SCN10A: variants seen among roughly 807,000 people sequenced by gnomAD.
SCN10A encodes sodium channel protein type 10 subunit alpha.
In SCN10A, 162 loss-of-function variants were observed where a neutral mutation model predicts 170.7. That is an observed-to-expected ratio of 0.95 (90% confidence interval 0.84 to 1.08). The LOEUF (loss-of-function observed/expected upper bound fraction) is 1.08. SCN10A is among the 50% of genes least tolerant of loss of function. The pLI is 0.00. For missense variants in SCN10A, 2,527 were observed against 2,436.9 expected (o/e 1.04, Z -0.78); for synonymous variants, 985 against 904.6 (o/e 1.09, Z -1.59).
intron 21 of SCN10A, among the ~76,000 whole-genome samples, chr3:38,716,463 G>A (rs991458138): frequency 1.3e-5 from 2 of 152,046 alleles, no homozygotes; most frequent in African/African-American, 2.4e-5. Flanking sequence ...CACATAAGAC[G>A]TGACTCGCAC....
At chr3:38,743,979 A>G (rs1327914019) in intron 13 of SCN10A, among the ~76,000 whole-genome samples, 1 of 152,184 alleles carries the variant, frequency 6.6e-6, no homozygotes, top group South Asian at 2.1e-4. Context: ...GTTTATCTAT[A>G]AATTCCTCGG....
At chr3:38,721,375 C>A (rs2063388081) in intron 20 of SCN10A, among the ~76,000 whole-genome samples, 2 of 152,188 alleles carry the variant, frequency 1.3e-5, no homozygotes, top group African/African-American at 4.8e-5. Flanking sequence ...TACCTGAAGC[C>A]CCTCATGCCT....
At position 38,756,970 on chromosome 3, in the gene SCN10A, AC is replaced by A. The variant is rs2063814590; in HGVS notation, c.1092+47del. ...CAGGAAAAGCACAGCCATGCAGCTG[AC>A]CCACCAGCCTCCAACCAAGTCTGCG... On this transcript the variant is annotated intron_variant, in intron 9 of 27. Transcript: ENST00000449082. 13 of 1,603,518 alleles carry A rather than the reference AC, an allele frequency of 8.1e-6. No homozygotes were observed. The East Asian group carries it at 2.9e-4, about 36-fold the overall frequency.
rs747044382 is a variant in SCN10A at position 38,713,996 on chromosome 3, G to A, written c.3766C>T (p.Arg1256Trp). 16 of 1,613,854 alleles carry A rather than the reference G, an allele frequency of 9.9e-6. No individual in the cohort carries two copies. Among genetic ancestry groups the A allele is most frequent in the South Asian group, 1.1e-5 (1 of 91,080 alleles). Residue 1256 changes from arginine (R) to tryptophan (W), a missense_variant, in exon 22 of 28, where the codon CGG (arginine) becomes TGG (tryptophan). By Grantham distance (101) the Arg-to-Trp change is moderately radical. Coordinates refer to ENST00000449082, the MANE Select transcript of SCN10A (RefSeq NM_006514.4). Reference protein sequence around the residue: ...IKALRTLRALRPLRALSRFEG... With the variant: ...IKALRTLRALWPLRALSRFEG... ...AATCGAGAAAGAGCCCGCAGTGGCC[G>A]CAGAGCGCGAAGGGTTCGAAGGGCT...
chr3:38,764,622 G>A (rs992350317), intron 5 of SCN10A, among the ~76,000 whole-genome samples: 1 of 152,154 alleles, frequency 6.6e-6, no homozygotes, highest in Non-Finnish European at 1.5e-5. Flanking sequence ...GTTGGTTGAT[G>A]GGCATTTAGG....
At chr3:38,708,699 C>G (rs2063237621) in intron 25 of SCN10A, among the ~76,000 whole-genome samples, 1 of 152,146 alleles carries the variant, frequency 6.6e-6, no homozygotes, top group Non-Finnish European at 1.5e-5. Flanking sequence ...TCACCACAAT[C>G]CAGAGAGTAG....
At chr3:38,800,862 T>C (rs536880776) in intron 1 of SCN10A, among the ~76,000 whole-genome samples, 3 of 152,302 alleles carry the variant, frequency 2.0e-5, no homozygotes, top group Admixed American at 1.3e-4. Context: ...TAGGCTATAG[T>C]AGCACCTTGA....
intron 11 of SCN10A, among the ~76,000 whole-genome samples, chr3:38,754,147 C>G (rs1471996958): frequency 6.6e-6 from 1 of 152,134 alleles, no homozygotes; most frequent in African/African-American, 2.4e-5. Context: ...ATACTCCTCC[C>G]CAAACTCTCT....
intron 1 of SCN10A, among the ~76,000 whole-genome samples, chr3:38,807,631 T>G (rs567489993): frequency 6.6e-6 from 1 of 152,298 alleles, no homozygotes; most frequent in Admixed American, 6.5e-5. Context: ...GTCCTAGTCC[T>G]CTTTTATATC....
chr3:38,760,618 C>G (rs1297746435), intron 8 of SCN10A, 63 bp downstream of exon 8: 3 of 1,305,248 alleles, frequency 2.3e-6, no homozygotes, highest in Non-Finnish European at 3.3e-6. Context: ...CCATAATATG[C>G]CAAGGACAAG....
Position 38,760,809 on chromosome 3 carries a change from T to C in SCN10A, c.884-62A>G, listed in dbSNP as rs371606581. 3.7e-6 allele frequency: 5 copies of C among 1,342,056 alleles called. No individual in the cohort carries two copies. The African/African-American group carries it at 7.2e-5, about 19-fold the overall frequency. The allele number at this position is 1,342,056 out of a possible 1,614,324, so 83.1% of individuals were successfully genotyped here. On this transcript the variant is annotated intron_variant, in intron 7 of 27. Transcript: ENST00000449082. ...TCTGAACCCTCCAACCCAAGCCTTG[T>C]GTGGTGAATGCAATATTCCCAAGTC... is the stretch of plus-strand genomic sequence containing the variant.
intron 5 of SCN10A, among the ~76,000 whole-genome samples, chr3:38,767,788 T>C (rs1296715407): frequency 6.6e-6 from 1 of 152,168 alleles, no homozygotes; most frequent in Non-Finnish European, 1.5e-5. Flanking sequence ...GTTCATTGTT[T>C]CTTTGTTGAC....
rs2063801316 is a variant in SCN10A at position 38,756,077 on chromosome 3, G to A, written c.1291-119C>T. On this transcript the variant is annotated intron_variant, in intron 10 of 27. Coordinates refer to ENST00000449082, the MANE Select transcript of SCN10A (RefSeq NM_006514.4). ...CTGAAACAGAGAAGCTGAAGGGTTAGGACCAGGGTGGTGGTGGGATTAGGC... is the reference window on the plus strand; with the variant it reads ...CTGAAACAGAGAAGCTGAAGGGTTAAGACCAGGGTGGTGGTGGGATTAGGC... The A allele has an allele frequency of 1.2e-5, 13 of 1,064,272 alleles. No homozygotes were observed. The South Asian group carries it at 1.7e-4, about 14-fold the overall frequency. 65.9% of individuals were successfully genotyped at this position (1,064,272 alleles called of 1,614,324 possible). A position where few individuals can be genotyped will look rare whatever the true frequency, so the allele number is the denominator to read the frequency against.
In SCN10A at chr3:38,786,233, G is replaced by A. The variant is rs1256810204; in HGVS notation, c.470+2723C>T. Among the ~76,000 whole-genome samples the A allele has an allele frequency of 2.6e-5, 4 of 152,084 alleles. No homozygotes were observed. In the Middle Eastern group the frequency reaches 0.01, roughly 388 times the overall value. On this transcript the variant is annotated intron_variant, in intron 4 of 27. Transcript: ENST00000449082. ...GCAAAGACTTGGAACTAACCCAAAC[G>A]CCCATCAGTGATAGACTGGATAAAG... is the stretch of plus-strand genomic sequence containing the variant.
intron 25 of SCN10A, among the ~76,000 whole-genome samples, chr3:38,708,452 A>C (rs964712117): frequency 6.6e-6 from 1 of 152,212 alleles, no homozygotes; most frequent in Admixed American, 6.5e-5. Context: ...ACTAAATAGC[A>C]CTGTCTTGTC....
Position 38,800,129 on chromosome 3 carries a change from C to T in SCN10A, c.-32-6087G>A, listed in dbSNP as rs146390778. Among the ~76,000 whole-genome samples the T allele has an allele frequency of 2.8e-3, 430 of 152,216 alleles. 2 individuals carry two copies. The highest frequency in any genetic ancestry group is 4.3e-3 in the Non-Finnish European group (293 of 67,998). The stretch of plus-strand genomic sequence containing the variant: ...CAGTATCTATGTGGATTTTTTTCTG[C>T]TTGCTTTAGAGAAGCTAGAACCAAA... On this transcript the variant is annotated intron_variant, in intron 1 of 27. Transcript: ENST00000449082.
chr3:38,809,670 T>G (rs2064427451), intron 1 of SCN10A, among the ~76,000 whole-genome samples: 1 of 152,138 alleles, frequency 6.6e-6, no homozygotes, highest in Non-Finnish European at 1.5e-5. Context: ...CTCTTCTGGA[T>G]CTTAGTTTTC....
At chr3:38,738,617 G>A (rs182787957) in intron 15 of SCN10A, among the ~76,000 whole-genome samples, 241 of 152,300 alleles carry the variant, frequency 1.6e-3, no homozygotes, top group Non-Finnish European at 2.4e-3. Flanking sequence ...TAGATGCAGG[G>A]CTCCCAGTTA....
chr3:38,706,802 C>T (rs62242398), intron 26 of SCN10A, among the ~76,000 whole-genome samples: 95 of 152,142 alleles, frequency 6.2e-4, no homozygotes, highest in Non-Finnish European at 1.1e-3. Context: ...GCCACTTGAC[C>T]ACTACCATGA....
Sources: gnomAD v4.1 joint callset for allele counts (sites outside exome capture counted in the v4.1 genomes callset) on GRCh38, gnomAD v4.1.1 for gene constraint, MANE v1.5 for transcripts, NCBI Gene and HGNC (gene_info 2026-07-23, HGNC 2026-07-21) for gene names.